Variants in NEB observed in about 807,000 individuals in gnomAD.
NEB encodes the protein nemaline myopathy type 2.
In NEB, 512 loss-of-function variants were observed where a neutral mutation model predicts 952.2. The observed-to-expected ratio is 0.54, with a 90% CI of 0.50 to 0.58. The LOEUF (loss-of-function observed/expected upper bound fraction) is 0.58, where lower values mean the gene tolerates loss of function less well. Ranked by LOEUF, NEB falls within the 20% of genes least tolerant of loss-of-function variation. The pLI, the probability that NEB is intolerant of heterozygous loss-of-function variation, is 0.00. For missense variants in NEB, 8,428 were observed against 9,231.1 expected (o/e 0.91, Z 3.56); for synonymous variants, 2,900 against 3,149.8 (o/e 0.92, Z 2.66).
rs750393216 is a variant in NEB, at chr2:151,565,545, G to A, written c.18322C>T (p.Pro6108Ser). ...YPNFRSVVDP[P>S]EIVLAKINSV... The stretch of plus-strand genomic sequence containing the variant: ...TTAATCTTGGCTAAAACAATCTCTG[G>A]AGGATCCACCACACTTCTAAAGTTA... Residue 6108 changes from proline to serine, a missense_variant, in exon 116 of 182, where the codon CCA becomes TCA. Pro to Ser is a moderately conservative substitution (Grantham distance 74). Transcript: ENST00000397345. 27 of 1,603,220 alleles carry A rather than the reference G, an allele frequency of 1.7e-5. No individual in the cohort carries two copies. The African/African-American group carries it at 3.5e-4, about 21-fold the overall frequency.
chr2:151,650,653 T>A lies in NEB; in HGVS notation c.7148A>T (p.Asn2383Ile). ...QELVSDVDYK[N>I]YLHQWTCLPD... is the part of the protein sequence containing the mutation. Reference sequence around the variant, plus strand: ...CAGACATGTCCACTGATGCAGGTAGTTCTTGTAGTCCACGTCACTAACCAA... The same window carrying A: ...CAGACATGTCCACTGATGCAGGTAGATCTTGTAGTCCACGTCACTAACCAA... Residue 2383 changes from asparagine to isoleucine, a missense_variant, in exon 53 of 182, where the codon AAC (asparagine) becomes ATC (isoleucine). By Grantham distance (149) the Asn-to-Ile change is moderately radical. This residue lies in a region of NEB where 1,772 missense variants were observed against 1,960.3 expected (regional missense o/e 0.90). Coordinates refer to ENST00000397345, the MANE Select transcript of NEB (RefSeq NM_001164508.2). 6.2e-7 allele frequency: 1 copy of A among 1,613,548 alleles called. No individual in the cohort carries two copies. Among genetic ancestry groups the A allele is most frequent in the East Asian group, 2.2e-5 (1 of 44,878 alleles).
intron 67 of NEB, 99 bp downstream of exon 67, chr2:151,630,616 A>T (rs534560842): frequency 1.1e-6 from 1 of 892,698 alleles, no homozygotes; most frequent in African/African-American, 1.7e-5. Context: ...GTTAAATGAA[A>T]GAGCCACATG....
chr2:151,496,284 T>C lies in NEB; in HGVS notation c.24478A>G (p.Ile8160Val). The C allele has an allele frequency of 6.2e-7, 1 of 1,608,256 alleles. No individual in the cohort carries two copies. The highest frequency in any genetic ancestry group is 1.1e-5 in the South Asian group (1 of 90,238). Residue 8160 changes from isoleucine to valine, a missense_variant, in exon 173 of 182, where the codon ATT becomes GTT. Ile to Val is a conservative substitution (Grantham distance 29, BLOSUM62 3). Around this residue, in one of 11 missense-constraint regions of NEB, gnomAD observed 3,374 missense variants for 3,651.5 expected, o/e 0.92. Coordinates refer to ENST00000397345, the MANE Select transcript of NEB (RefSeq NM_001164508.2). ...MERVKHNQEN[I>V]SSVLYKENVG... ...CTTTTCTCGCCAAGTACCGAGCTAATATTTTCTTGATTGTGTTTGACTCGC... is the reference window on the plus strand; with the variant it reads ...CTTTTCTCGCCAAGTACCGAGCTAACATTTTCTTGATTGTGTTTGACTCGC...
chr2:151,711,388 C>T (rs1235272296), intron 10 of NEB, among the ~76,000 whole-genome samples: 2 of 152,166 alleles, frequency 1.3e-5, no homozygotes, highest in Admixed American at 6.5e-5. Context: ...TAATGGGTCT[C>T]AAGGCACTGG....
At chr2:151,689,897 T>C (rs754985741) in intron 24 of NEB, 1 of 152,202 alleles carries the variant, frequency 6.6e-6, no homozygotes, top group Non-Finnish European at 1.5e-5. Context: ...ACTAATTGGG[T>C]ATGAGCTAAT....
intron 168 of NEB, 39 bp downstream of exon 168, chr2:151,501,352 A>AT (rs2064385090): frequency 3.1e-6 from 4 of 1,301,558 alleles, no homozygotes; most frequent in Non-Finnish European, 3.3e-6. Context: ...AGAAATTATT[A>AT]TTTTTTAATA....
intron 107 of NEB, among the ~76,000 whole-genome samples, chr2:151,575,035 C>T (rs1341913696): frequency 6.6e-6 from 1 of 152,134 alleles, no homozygotes; most frequent in Non-Finnish European, 1.5e-5. Flanking sequence ...CCACCATGCC[C>T]AGCTGGTCTA....
At chr2:151,503,614 T>C (rs900085545) in intron 165 of NEB, among the ~76,000 whole-genome samples, 173 bp from the exon 166 acceptor site, 4 of 88,386 alleles carry the variant, frequency 4.5e-5, no homozygotes, top group African/African-American at 1.5e-4. Flanking sequence ...TTTTCCAAAA[T>C]AGTAAAAATT....
chr2:151,729,226 C>T (rs1332369188), intron 4 of NEB, among the ~76,000 whole-genome samples: 1 of 152,158 alleles, frequency 6.6e-6, no homozygotes, highest in African/African-American at 2.4e-5. Flanking sequence ...AGTTATAACT[C>T]CACACAGTAA....
chr2:151,732,338 G>A (rs560519235), intron 3 of NEB, among the ~76,000 whole-genome samples: 26 of 152,204 alleles, frequency 1.7e-4, no homozygotes, highest in African/African-American at 4.3e-4. Flanking sequence ...AGGAAAAACC[G>A]TAAGATGATA....
intron 10 of NEB, among the ~76,000 whole-genome samples, chr2:151,714,185 C>T (rs867863923): frequency 5.9e-5 from 9 of 152,102 alleles, no homozygotes; most frequent in Middle Eastern, 3.2e-3. Flanking sequence ...GTCTAAGGTC[C>T]GGACCTACCA....
At chr2:151,643,753 G>A (rs952818261) in intron 57 of NEB, 65 bp downstream of exon 57, 173 of 1,574,384 alleles carry the variant, frequency 1.1e-4, no homozygotes, top group Non-Finnish European at 1.5e-4. Context: ...TGCTCACTAT[G>A]GGACTCTGAT....
At chr2:151,638,809 G>C (rs62174728) in intron 63 of NEB, among the ~76,000 whole-genome samples, 82 of 1,904 alleles carry the variant, frequency 0.043, no homozygotes, top group African/African-American at 0.097. Context: ...CTCTCTCTCT[G>C]TGTGTGTGTG....
chr2:151,549,834 G>C, intron 129 of NEB, 94 bp from the exon 130 acceptor site: 1 of 713,412 alleles, frequency 1.4e-6, no homozygotes, highest in South Asian at 1.7e-5. Context: ...TTACAGTTTT[G>C]ACTAGATACT....
At chr2:151,686,483 C>G (rs1398326224) in intron 27 of NEB, among the ~76,000 whole-genome samples, 1 of 152,148 alleles carries the variant, frequency 6.6e-6, no homozygotes, top group Non-Finnish European at 1.5e-5. Flanking sequence ...AAAGACTCAA[C>G]TAGTGAACAA....
At chr2:151,620,836 GGAT>G in intron 72 of NEB, 80 bp downstream of exon 72, 1 of 1,067,860 alleles carries the variant, frequency 9.4e-7, no homozygotes, top group Non-Finnish European at 1.4e-6. Context: ...GAGTTAAGGT[GGAT>G]GATGACCAAA....
intron 62 of NEB, 66 bp downstream of exon 62, chr2:151,639,791 T>G (rs1396721029): frequency 2.2e-6 from 3 of 1,348,170 alleles, no homozygotes; most frequent in South Asian, 1.4e-5. Flanking sequence ...CTTTCCTCAT[T>G]AATGTTTCTT....
chr2:151,713,584 C>T (rs1371718949), intron 10 of NEB, among the ~76,000 whole-genome samples: 2 of 152,240 alleles, frequency 1.3e-5, no homozygotes, highest in Non-Finnish European at 2.9e-5. Flanking sequence ...AAATTCCAAC[C>T]TGAAATCTCA....
intron 4 of NEB, 115 bp from the exon 5 acceptor site, chr2:151,728,021 C>T (rs1288214805): frequency 2.5e-6 from 2 of 802,150 alleles, no homozygotes; most frequent in South Asian, 1.8e-5. Context: ...TGTTACTTCT[C>T]CATATCTAAA....
Sources: allele counts gnomAD v4.1 joint callset (sites outside exome capture counted in the v4.1 genomes callset), GRCh38; gene constraint gnomAD v4.1.1; regional missense constraint gnomAD v4.1.1; transcripts MANE v1.5; gene names NCBI Gene and HGNC (gene_info 2026-07-23, HGNC 2026-07-21).